The following GASK1A variants were observed in gnomAD, a reference collection of about 807,000 sequenced individuals.
The protein encoded by GASK1A is golgi associated kinase 1A.
A neutral mutation model predicts 41.2 loss-of-function variants in GASK1A; 40 were observed. The observed-to-expected ratio is 0.97, with a 90% confidence interval of 0.75 to 1.27. The LOEUF is 1.27. Ranked by LOEUF, GASK1A falls within the 50% of genes most tolerant of loss-of-function variation. The probability of loss-of-function intolerance (pLI) is 0.00; values close to 1 mark genes in which losing one functional copy is unlikely to be tolerated. For missense variants in GASK1A, 678 were observed against 745.1 expected (o/e 0.91, Z 1.05); for synonymous variants, 316 against 307.1 (o/e 1.03, Z -0.30).
intron 2 of GASK1A, among the ~76,000 whole-genome samples, chr3:43,036,019 T>G (rs1198993929): frequency 6.6e-6 from 1 of 152,194 alleles, no homozygotes. Context: ...GGCCTTGATC[T>G]CTGAGGCACA....
At chr3:43,012,621 G>A (rs1425339086) in intron 1 of GASK1A, among the ~76,000 whole-genome samples, 1 of 148,460 alleles carries the variant, frequency 6.7e-6, no homozygotes, top group Admixed American at 6.6e-5. Flanking sequence ...TCACAGGAAG[G>A]GAAGTGGAAA....
intron 1 of GASK1A, among the ~76,000 whole-genome samples, chr3:43,024,363 C>T (rs1225025924): frequency 6.6e-6 from 1 of 152,172 alleles, no homozygotes; most frequent in Non-Finnish European, 1.5e-5. Flanking sequence ...CATTTGCTCT[C>T]GCAATTTGCC....
At chr3:43,035,147 C>A (rs1402114603) in intron 2 of GASK1A, among the ~76,000 whole-genome samples, 1 of 152,158 alleles carries the variant, frequency 6.6e-6, no homozygotes, top group African/African-American at 2.4e-5. Flanking sequence ...GGGCAGATTA[C>A]CTAGCCTCTC....
At chr3:43,010,960 T>G (rs1386761365) in intron 1 of GASK1A, among the ~76,000 whole-genome samples, 1 of 152,170 alleles carries the variant, frequency 6.6e-6, no homozygotes, top group African/African-American at 2.4e-5. Flanking sequence ...CATGGACCTT[T>G]AGCCTCTTAC....
chr3:43,032,704 A>G lies in GASK1A; in HGVS notation c.441A>G (p.Gly147=). Residue 147 remains glycine, a synonymous_variant, in exon 2 of 5, where the codon GGA becomes GGG. Coordinates refer to ENST00000430121, the MANE Select transcript of GASK1A (RefSeq NM_001129908.3). ...GGGAGGATGAGGTTGGAGATCCAGG[A>G]ACCAAAGACCTGGGCCACCCCCAGC... ...LLREDEVGDP[G]TKDLGHPQHG... 6.4e-7 allele frequency: 1 copy of G among 1,551,624 alleles called. No individual in the cohort carries two copies. The highest frequency in any genetic ancestry group is 1.7e-4 in the Middle Eastern group (1 of 5,992).
chr3:42,986,832 C>A (rs185512991), intron 1 of GASK1A, among the ~76,000 whole-genome samples: 2 of 152,256 alleles, frequency 1.3e-5, no homozygotes, highest in African/African-American at 4.8e-5. Context: ...TGTAGCAGGC[C>A]AGAGGAGCAG....
At chr3:43,012,816 G>A (rs1280651361) in intron 1 of GASK1A, among the ~76,000 whole-genome samples, 1 of 151,790 alleles carries the variant, frequency 6.6e-6, no homozygotes, top group Admixed American at 6.6e-5. Flanking sequence ...ACAGGAAGGA[G>A]CTGTGTGTAG....
intron 1 of GASK1A, among the ~76,000 whole-genome samples, chr3:42,990,675 G>A (rs1454375905): frequency 2.0e-5 from 3 of 152,188 alleles, no homozygotes; most frequent in African/African-American, 7.2e-5. Flanking sequence ...TCCCAGGTGT[G>A]AAGCTCTGAG....
chr3:42,996,258 T>C (rs2089368971), intron 1 of GASK1A, among the ~76,000 whole-genome samples: 1 of 152,236 alleles, frequency 6.6e-6, no homozygotes, highest in African/African-American at 2.4e-5. Context: ...GCAACAATCC[T>C]AATGACAGCT....
intron 2 of GASK1A, among the ~76,000 whole-genome samples, chr3:43,043,384 C>A (rs1021284962): frequency 1.3e-5 from 2 of 152,220 alleles, no homozygotes; most frequent in Admixed American, 6.5e-5. Context: ...TGGCAGACTG[C>A]AGTATCTTTT....
intron 1 of GASK1A, among the ~76,000 whole-genome samples, chr3:43,030,958 G>A (rs1021548061): frequency 6.6e-6 from 1 of 152,194 alleles, no homozygotes; most frequent in Non-Finnish European, 1.5e-5. Flanking sequence ...AGAAGAGCAA[G>A]CACATGCGGG....
At chr3:42,980,381 G>A (rs1051677729) in intron 1 of GASK1A, among the ~76,000 whole-genome samples, 1 of 152,196 alleles carries the variant, frequency 6.6e-6, no homozygotes, top group Non-Finnish European at 1.5e-5. Context: ...CGTCCCTCAG[G>A]CCCGGCCGCT....
intron 2 of GASK1A, among the ~76,000 whole-genome samples, chr3:43,047,369 C>A (rs1008368671): frequency 6.6e-6 from 1 of 152,226 alleles, no homozygotes; most frequent in Non-Finnish European, 1.5e-5. Flanking sequence ...AACTCTCTAA[C>A]CCTGTCCTAG....
At chr3:43,055,207 C>A (rs2125693491) in intron 3 of GASK1A, among the ~76,000 whole-genome samples, 1 of 152,304 alleles carries the variant, frequency 6.6e-6, no homozygotes, top group East Asian at 1.9e-4. Context: ...AACACTAGTG[C>A]CTGCTTCCTA....
intron 1 of GASK1A, among the ~76,000 whole-genome samples, chr3:42,991,645 G>A (rs1436708643): frequency 6.6e-6 from 1 of 152,256 alleles, no homozygotes; most frequent in Non-Finnish European, 1.5e-5. Flanking sequence ...CGGTCATGCT[G>A]CCTGGGTGCC....
chr3:43,015,325 G>T (rs950799886), intron 1 of GASK1A, among the ~76,000 whole-genome samples: 1 of 148,476 alleles, frequency 6.7e-6, no homozygotes, highest in African/African-American at 2.5e-5. Flanking sequence ...GGCTTGTGAG[G>T]TCACAGGAAG....
Position 43,030,194 on chromosome 3 carries a change from A to G in GASK1A, c.4-2073A>G, listed in dbSNP as rs1359104958. On this transcript the variant is annotated intron_variant, in intron 1 of 4. Transcript: ENST00000430121. ...CTACTTTTTTGTATTTTTAGTAGAG[A>G]CAAAGTTTCGCCATGTTGGCCAGGT... 2.6e-5 allele frequency among the ~76,000 whole-genome samples: 4 copies of G among 152,194 alleles called. No individual in the cohort carries two copies. In the East Asian group the frequency reaches 7.7e-4, roughly 29 times the overall value.
chr3:42,981,124 T>C (rs2089280856), intron 1 of GASK1A, among the ~76,000 whole-genome samples: 1 of 152,176 alleles, frequency 6.6e-6, no homozygotes, highest in Non-Finnish European at 1.5e-5. Context: ...CTGTGAGTCA[T>C]TGCAGCTTCC....
intron 1 of GASK1A, among the ~76,000 whole-genome samples, chr3:42,983,201 A>T (rs1420756952): frequency 1.3e-5 from 2 of 152,144 alleles, no homozygotes; most frequent in Non-Finnish European, 2.9e-5. Flanking sequence ...CCTTGCTCTG[A>T]ACCTTAGCCC....
Sources: allele counts gnomAD v4.1 joint callset (sites outside exome capture counted in the v4.1 genomes callset), GRCh38; gene constraint gnomAD v4.1.1; transcripts MANE v1.5; gene names NCBI Gene and HGNC (gene_info 2026-07-23, HGNC 2026-07-21).